Variants in MBD5 observed in about 807,000 individuals in gnomAD.
MBD5 encodes the protein methyl-CpG-binding domain protein 5.
MBD5 carries 13 observed loss-of-function variants against 117.3 expected under a neutral mutation model. That is an observed-to-expected ratio of 0.11 (90% CI 0.07 to 0.18). The LOEUF is 0.18. Among genes scored for constraint, MBD5 ranks in the 10% least tolerant of loss-of-function variants. The pLI, the probability that MBD5 is intolerant of heterozygous loss-of-function variation, is 1.00. For missense variants in MBD5, 1,879 were observed against 2,093.8 expected (o/e 0.90, Z 2.00); for synonymous variants, 727 against 766.4 (o/e 0.95, Z 0.85).
At chr2:148,344,786 A>C (rs1000917868) in intron 4 of MBD5, among the ~76,000 whole-genome samples, 7 of 151,918 alleles carry the variant, frequency 4.6e-5, no homozygotes, top group Non-Finnish European at 7.4e-5. Flanking sequence ...CATCCACCTT[A>C]AATTCCAATT....
chr2:148,469,313 C>G lies in MBD5; in HGVS notation c.1370C>G (p.Pro457Arg). ...GTGIGRIEAS[P>R]QRSRSSSTSS... ...GGAATTGGAAGGATTGAGGCATCGC[C>G]CCAAAGATCACGCTCATCTTCCACA... The change falls in exon 8 of 14, where the codon CCC becomes CGC. Residue 457 changes from proline to arginine, a missense_variant. By Grantham distance (103) the Pro-to-Arg change is moderately radical. Transcript: ENST00000642680. 2 of 1,613,780 alleles carry G rather than the reference C, an allele frequency of 1.2e-6. No homozygotes were observed. The highest frequency in any genetic ancestry group is 8.5e-7 in the Non-Finnish European group (1 of 1,179,932).
chr2:148,029,474 C>T (rs1224874542), intron 1 of MBD5, among the ~76,000 whole-genome samples: 5 of 152,166 alleles, frequency 3.3e-5, no homozygotes, highest in Non-Finnish European at 7.4e-5. Flanking sequence ...GGTGTTCTTA[C>T]ATGTATGAAA....
chr2:148,436,458 C>T (rs1385524342), intron 4 of MBD5, among the ~76,000 whole-genome samples: 1 of 152,068 alleles, frequency 6.6e-6, no homozygotes, highest in African/African-American at 2.4e-5. Flanking sequence ...CTGCAACCTC[C>T]GCCTCCTGGG....
At chr2:148,503,123 A>G (rs1681921692) in intron 12 of MBD5, 1 of 156,828 alleles carries the variant, frequency 6.4e-6, no homozygotes, top group Admixed American at 6.2e-5. Flanking sequence ...GATACAATGT[A>G]TGTTTATGTA....
intron 2 of MBD5, among the ~76,000 whole-genome samples, chr2:148,195,796 C>T (rs913522293): frequency 1.2e-4 from 19 of 152,118 alleles, no homozygotes; most frequent in African/African-American, 4.6e-4. Flanking sequence ...TAAACTTATG[C>T]GTCAAGAAAA....
intron 4 of MBD5, among the ~76,000 whole-genome samples, chr2:148,388,806 A>G (rs1159972207): frequency 6.6e-6 from 1 of 152,134 alleles, no homozygotes; most frequent in East Asian, 1.9e-4. Context: ...GAACCACACC[A>G]TTATGACCTC....
At position 148,470,723 on chromosome 2, in the gene MBD5, G is replaced by T. The variant is rs577161875; in HGVS notation, c.2518+262G>T. 2.6e-4 allele frequency: 128 copies of T among 489,318 alleles called. 2 individuals are homozygous for T. In the East Asian group the frequency reaches 4.1e-3, roughly 16 times the overall value. 30.3% of individuals were successfully genotyped at this position (489,318 alleles called of 1,614,324 possible). A position where few individuals can be genotyped will look rare whatever the true frequency, so the allele number is the denominator to read the frequency against. On this transcript the variant is annotated intron_variant, in intron 8 of 13. Coordinates refer to ENST00000642680, the MANE Select transcript of MBD5 (RefSeq NM_001378120.1). ...TTGAATATTGTTCGACTTTCACTTGGTTTTATAACCATTGGACTCCAAACT... is the reference window on the plus strand; with the variant it reads ...TTGAATATTGTTCGACTTTCACTTGTTTTTATAACCATTGGACTCCAAACT...
At chr2:148,310,620 G>T (rs181065330) in intron 3 of MBD5, among the ~76,000 whole-genome samples, 16 of 151,748 alleles carry the variant, frequency 1.1e-4, no homozygotes, top group Non-Finnish European at 1.8e-4. Flanking sequence ...GATTTTTTTT[G>T]AAGTGTTTTT....
chr2:148,249,773 A>C (rs1423869648), intron 3 of MBD5, among the ~76,000 whole-genome samples: 1 of 152,050 alleles, frequency 6.6e-6, no homozygotes, highest in African/African-American at 2.4e-5. Flanking sequence ...TTCTATTACT[A>C]TCTAAATCAG....
intron 1 of MBD5, among the ~76,000 whole-genome samples, chr2:148,091,910 T>C (rs1695954560): frequency 6.6e-6 from 1 of 152,140 alleles, no homozygotes; most frequent in Non-Finnish European, 1.5e-5. Flanking sequence ...TCTGCAACTA[T>C]GCATCTGACA....
Position 148,483,422 on chromosome 2 carries a change from C to T in MBD5, c.2831C>T (p.Pro944Leu), listed in dbSNP as rs1258050520. ...CAGAATCTATTAAATATCCTCCAGC[C>T]TTCAGCAGGAGAAGGCAAGTCTGAG... Reference protein sequence around the residue: ...LNQNLLNILQPSAGEGKSEIN... With the variant: ...LNQNLLNILQLSAGEGKSEIN... Residue 944 changes from proline to leucine, a missense_variant, in exon 9 of 14, where the codon CCT becomes CTT. Around this residue, in one of 4 missense-constraint regions of MBD5, gnomAD observed 1,666 missense variants for 1,792.2 expected, o/e 0.93. Coordinates refer to ENST00000642680, the MANE Select transcript of MBD5 (RefSeq NM_001378120.1). 3 of 1,614,030 alleles carry T rather than the reference C, an allele frequency of 1.9e-6. No homozygotes were observed. The highest frequency in any genetic ancestry group is 1.1e-5 in the South Asian group (1 of 91,086).
intron 4 of MBD5, among the ~76,000 whole-genome samples, chr2:148,430,435 G>A (rs1418883171): frequency 6.6e-6 from 1 of 152,074 alleles, no homozygotes; most frequent in East Asian, 1.9e-4. Flanking sequence ...TAAAAAATGT[G>A]TATCTATAAT....
intron 4 of MBD5, among the ~76,000 whole-genome samples, chr2:148,392,240 A>C (rs1253623522): frequency 6.6e-6 from 1 of 152,220 alleles, no homozygotes; most frequent in East Asian, 1.9e-4. Context: ...GCATGAATCC[A>C]AATTTCAAAT....
At chr2:148,463,598 A>T (rs967987463) in intron 6 of MBD5, 141 bp from the exon 7 acceptor site, 1 of 907,924 alleles carries the variant, frequency 1.1e-6, no homozygotes, top group African/African-American at 1.7e-5. Context: ...AAGTTATATA[A>T]AGTTGCCTTT....
At chr2:148,270,393 A>T (rs371214853) in intron 3 of MBD5, among the ~76,000 whole-genome samples, 44 of 141,738 alleles carry the variant, frequency 3.1e-4, no homozygotes, top group South Asian at 1.4e-3. Flanking sequence ...CTTCCTTTCT[A>T]TTTTTTTTTT....
intron 1 of MBD5, among the ~76,000 whole-genome samples, chr2:148,159,863 A>G (rs945013872): frequency 6.6e-6 from 1 of 152,166 alleles, no homozygotes; most frequent in Non-Finnish European, 1.5e-5. Context: ...CAGACAGGTA[A>G]TTGGTACCAA....
chr2:148,105,466 G>A (rs940515591), intron 1 of MBD5, among the ~76,000 whole-genome samples: 4 of 151,998 alleles, frequency 2.6e-5, no homozygotes, highest in Non-Finnish European at 2.9e-5. Flanking sequence ...TAATCTGCCC[G>A]GATCGGCCTC....
intron 1 of MBD5, among the ~76,000 whole-genome samples, chr2:148,147,722 G>A (rs1285469515): frequency 1.3e-5 from 2 of 151,974 alleles, no homozygotes; most frequent in Non-Finnish European, 2.9e-5. Flanking sequence ...TACCTTTATG[G>A]TCAACTAATG....
chr2:148,205,227 C>T (rs1376079676), intron 2 of MBD5, among the ~76,000 whole-genome samples: 1 of 151,802 alleles, frequency 6.6e-6, no homozygotes, highest in African/African-American at 2.4e-5. Context: ...ACAGGCACCC[C>T]CCACCACACC....
Sources: allele counts gnomAD v4.1 joint callset (sites outside exome capture counted in the v4.1 genomes callset), GRCh38; gene constraint gnomAD v4.1.1; regional missense constraint gnomAD v4.1.1; transcripts MANE v1.5; gene names NCBI Gene and HGNC (gene_info 2026-07-23, HGNC 2026-07-21).